The following GPR158 variants were observed in gnomAD, a reference collection of about 807,000 sequenced individuals.
GPR158 encodes the protein metabotropic glycine receptor.
A neutral mutation model predicts 78.2 loss-of-function variants in GPR158; 30 were observed. That is an observed-to-expected ratio of 0.38 (90% CI 0.29 to 0.52). GPR158 has a LOEUF of 0.52. Among genes scored for constraint, GPR158 ranks in the 20% least tolerant of loss-of-function variants. The pLI is 0.83. For synonymous variants in GPR158, 581 were observed against 591.1 expected (o/e 0.98, Z 0.25); for missense variants, 1,463 against 1,523.5 (o/e 0.96, Z 0.66).
At chr10:25,186,804 GC>G (rs1184457437) in intron 1 of GPR158, among the ~76,000 whole-genome samples, 1 of 152,094 alleles carries the variant, frequency 6.6e-6, no homozygotes, top group Non-Finnish European at 1.5e-5. Flanking sequence ...ACAAGGAGGA[GC>G]TGGCACCATT....
intron 3 of GPR158, among the ~76,000 whole-genome samples, chr10:25,400,043 TACAC>T (rs961838025): frequency 1.3e-5 from 2 of 152,158 alleles, no homozygotes; most frequent in Admixed American, 1.3e-4. Flanking sequence ...TGAATACACA[TACAC>T]ACACATATAA....
chr10:25,235,896 T>C (rs1017540142), intron 2 of GPR158, among the ~76,000 whole-genome samples: 12 of 151,736 alleles, frequency 7.9e-5, no homozygotes, highest in African/African-American at 1.7e-4. Flanking sequence ...CGGGGTTTCA[T>C]CATGTTAGCC....
intron 4 of GPR158, among the ~76,000 whole-genome samples, chr10:25,457,828 T>C (rs905403748): frequency 1.3e-5 from 2 of 152,204 alleles, no homozygotes; most frequent in Non-Finnish European, 2.9e-5. Context: ...AATTTTGTGA[T>C]AGAAAATCAG....
At chr10:25,341,607 A>G (rs1354719313) in intron 2 of GPR158, among the ~76,000 whole-genome samples, 1 of 151,998 alleles carries the variant, frequency 6.6e-6, no homozygotes, top group African/African-American at 2.4e-5. Context: ...GGGAGTGCCC[A>G]TTACAGTATC....
chr10:25,483,682 G>A (rs1026059331), intron 5 of GPR158, among the ~76,000 whole-genome samples: 13 of 152,086 alleles, frequency 8.5e-5, no homozygotes, highest in Non-Finnish European at 1.5e-4. Flanking sequence ...CATACTGGAT[G>A]CTTAAAAAAT....
intron 2 of GPR158, among the ~76,000 whole-genome samples, chr10:25,349,503 TGTTCTCATAATAGTGAGTGA>T (rs1171485449): frequency 1.4e-5 from 2 of 146,712 alleles, no homozygotes; most frequent in Non-Finnish European, 2.9e-5. Flanking sequence ...TCCCCCTTGC[TGTTCTCATAATAGTGAGTGA>T]GTTCTCACAA....
chr10:25,287,078 T>C (rs79917508), intron 2 of GPR158, among the ~76,000 whole-genome samples: 2 of 152,158 alleles, frequency 1.3e-5, no homozygotes, highest in South Asian at 2.1e-4. Context: ...TACTGTGCCC[T>C]AAGACTCATT....
At chr10:25,383,360 A>G (rs1442821249) in intron 2 of GPR158, among the ~76,000 whole-genome samples, 1 of 152,216 alleles carries the variant, frequency 6.6e-6, no homozygotes, top group Non-Finnish European at 1.5e-5. Context: ...GGAATTAGAT[A>G]AGTCTCCGGT....
chr10:25,290,248 C>T (rs916924571), intron 2 of GPR158, among the ~76,000 whole-genome samples: 2 of 152,100 alleles, frequency 1.3e-5, no homozygotes, highest in African/African-American at 2.4e-5. Context: ...AAAAGAATTC[C>T]GTATACTATC....
At chr10:25,196,517 T>C (rs1852846888) in intron 1 of GPR158, among the ~76,000 whole-genome samples, 1 of 152,198 alleles carries the variant, frequency 6.6e-6, no homozygotes, top group South Asian at 2.1e-4. Context: ...TAGTTGGTCA[T>C]TATTTTTATG....
At chr10:25,390,073 G>A (rs1292201614) in intron 2 of GPR158, among the ~76,000 whole-genome samples, 2 of 152,104 alleles carry the variant, frequency 1.3e-5, no homozygotes, top group African/African-American at 2.4e-5. Flanking sequence ...GACATGCTTT[G>A]GCTCCTCTTT....
rs1266305690 is a variant in GPR158, at chr10:25,598,953, A to G, written c.3327A>G (p.Ala1109=). The G allele has an allele frequency of 1.2e-6, 2 of 1,613,998 alleles. No individual in the cohort carries two copies. Among genetic ancestry groups the G allele is most frequent in the Admixed American group, 1.7e-5 (1 of 60,018 alleles). ...AGGAGAACGGAGGTCAGCCTCGTGC[A>G]GCCAATGTGTGTGCTGGGCAGAGCG... The part of the protein sequence containing the change: ...AKEENGGQPR[A]ANVCAGQSEE... The change falls in exon 11 of 11, where the codon GCA becomes GCG. Residue 1109 remains alanine, a synonymous_variant. Coordinates refer to ENST00000376351, the MANE Select transcript of GPR158 (RefSeq NM_020752.3).
intron 2 of GPR158, among the ~76,000 whole-genome samples, chr10:25,289,840 T>C (rs1422891680): frequency 6.6e-6 from 1 of 152,210 alleles, no homozygotes; most frequent in Admixed American, 6.6e-5. Flanking sequence ...GATTTGAATT[T>C]TGAAAACCAT....
At chr10:25,383,017 A>G (rs1324190283) in intron 2 of GPR158, among the ~76,000 whole-genome samples, 1 of 151,860 alleles carries the variant, frequency 6.6e-6, no homozygotes, top group African/African-American at 2.4e-5. Context: ...TGGTATTTTT[A>G]GTAGAGATGG....
At chr10:25,333,212 A>AC (rs1207142952) in intron 2 of GPR158, among the ~76,000 whole-genome samples, 1 of 152,196 alleles carries the variant, frequency 6.6e-6, no homozygotes, top group Non-Finnish European at 1.5e-5. Flanking sequence ...CAACAAAACA[A>AC]GAGGCTTAGT....
chr10:25,235,156 T>C (rs1853502976), intron 2 of GPR158, among the ~76,000 whole-genome samples: 1 of 152,188 alleles, frequency 6.6e-6, no homozygotes, highest in African/African-American at 2.4e-5. Context: ...CTACATCTTT[T>C]CTCTTTGGTG....
At chr10:25,516,325 G>A (rs1017689746) in intron 5 of GPR158, among the ~76,000 whole-genome samples, 3 of 149,720 alleles carry the variant, frequency 2.0e-5, no homozygotes, top group African/African-American at 4.9e-5. Flanking sequence ...TAGGTTGCCT[G>A]TTCACTCTGA....
intron 5 of GPR158, among the ~76,000 whole-genome samples, chr10:25,474,625 G>A (rs949996731): frequency 6.6e-6 from 1 of 152,140 alleles, no homozygotes; most frequent in South Asian, 2.1e-4. Flanking sequence ...ATTTGATAAT[G>A]TCATTCTCTT....
intron 1 of GPR158, among the ~76,000 whole-genome samples, chr10:25,198,729 A>G (rs1469719842): frequency 6.6e-6 from 1 of 152,126 alleles, no homozygotes; most frequent in African/African-American, 2.4e-5. Flanking sequence ...AAGGCTGCGC[A>G]ATGGGTTACC....
Sources: allele counts gnomAD v4.1 joint callset (sites outside exome capture counted in the v4.1 genomes callset), GRCh38; gene constraint gnomAD v4.1.1; transcripts MANE v1.5; gene names NCBI Gene and HGNC (gene_info 2026-07-23, HGNC 2026-07-21).